Variants in GADL1 observed in about 807,000 individuals in gnomAD.
The protein encoded by GADL1 is acidic amino acid decarboxylase GADL1.
In GADL1, 71 loss-of-function variants were observed where a neutral mutation model predicts 69.5. The observed-to-expected ratio is 1.02, with a 90% CI of 0.84 to 1.25. The LOEUF (loss-of-function observed/expected upper bound fraction) is 1.25, where lower values mean the gene tolerates loss of function less well. GADL1 is among the 50% of genes most tolerant of loss of function. The pLI is 0.00. For missense variants in GADL1, 737 were observed against 631.8 expected (o/e 1.17, Z -1.79); for synonymous variants, 254 against 214.4 (o/e 1.18, Z -1.62).
chr3:30,828,995 T>A (rs1475938639), intron 11 of GADL1, among the ~76,000 whole-genome samples: 1 of 151,946 alleles, frequency 6.6e-6, no homozygotes, highest in Non-Finnish European at 1.5e-5. Context: ...GAGTTTTTTT[T>A]AAACTAAAAA....
At chr3:30,782,370 G>C (rs1696684951) in intron 13 of GADL1, among the ~76,000 whole-genome samples, 1 of 152,082 alleles carries the variant, frequency 6.6e-6, no homozygotes, top group Non-Finnish European at 1.5e-5. Context: ...CAGTGGCTTT[G>C]GGAGTGGAGA....
chr3:30,850,384 A>G (rs1180867401), intron 5 of GADL1, among the ~76,000 whole-genome samples: 3 of 152,060 alleles, frequency 2.0e-5, no homozygotes, highest in Admixed American at 6.6e-5. Flanking sequence ...TCAATCTGTG[A>G]GCTCTGGACT....
intron 1 of GADL1, among the ~76,000 whole-genome samples, chr3:30,886,765 T>C (rs1698716455): frequency 6.6e-6 from 1 of 152,210 alleles, no homozygotes. Context: ...TCCCAATCTA[T>C]ATTGTTGTGT....
rs201383864 is a variant in GADL1 at position 30,805,361 on chromosome 3, G to A, written c.1051-4273C>T. Among the ~76,000 whole-genome samples the A allele has an allele frequency of 3.1e-3, 478 of 152,290 alleles. 4 individuals are homozygous for A. The highest frequency in any genetic ancestry group is 0.011 in the African/African-American group (453 of 41,552). On this transcript the variant is annotated intron_variant, in intron 11 of 14. Transcript: ENST00000282538. ...GGCACTTAAATACGTGTGAAAGAGG[G>A]TGCTCCATTTGGAGAGGCTGGTGAA...
chr3:30,785,586 T>A (rs2125499483), intron 13 of GADL1, among the ~76,000 whole-genome samples: 1 of 152,220 alleles, frequency 6.6e-6, no homozygotes, highest in South Asian at 2.1e-4. Flanking sequence ...TTCACCATGT[T>A]AGGCTGGTCT....
At chr3:30,821,679 G>C (rs1281321711) in intron 11 of GADL1, among the ~76,000 whole-genome samples, 1 of 151,800 alleles carries the variant, frequency 6.6e-6, no homozygotes, top group Non-Finnish European at 1.5e-5. Context: ...ATCCCCAGTG[G>C]AAGTTTTTTA....
At position 30,871,293 on chromosome 3, in the gene GADL1, TAA is replaced by T. The variant is rs1673672604; in HGVS notation, c.38-9530_38-9529del. 2.0e-5 allele frequency among the ~76,000 whole-genome samples: 3 copies of T among 151,274 alleles called. No individual in the cohort carries two copies. The Admixed American group carries it at 2.0e-4, about 10-fold the overall frequency. On this transcript the variant is annotated intron_variant, in intron 1 of 14. Coordinates refer to ENST00000282538, the MANE Select transcript of GADL1 (RefSeq NM_207359.3). The stretch of plus-strand genomic sequence containing the variant: ...TTAGAAAGATGAAGCGGGACTGGTG[TAA>T]AGTTTAGGTGTGAAACCAAGAATTG...
In GADL1 at chr3:30,850,923, G is replaced by GGA; in HGVS notation, c.445_446dup (p.Val151GlnfsTer5). On this transcript the variant is annotated frameshift_variant, in exon 5 of 15. Coordinates refer to ENST00000282538, the MANE Select transcript of GADL1 (RefSeq NM_207359.3). LOFTEE classifies it high-confidence loss of function. ...CTTCTTCCACTAACAGAAACACTGG[G>GGA]GACACCTCATACGTATAACTAGATA... 2.6e-6 allele frequency: 4 copies of GGA among 1,542,834 alleles called. No homozygotes were observed. Among genetic ancestry groups the GGA allele is most frequent in the Non-Finnish European group, 3.5e-6 (4 of 1,139,326 alleles).
At chr3:30,816,478 T>G (rs1338556302) in intron 11 of GADL1, among the ~76,000 whole-genome samples, 1 of 150,590 alleles carries the variant, frequency 6.6e-6, no homozygotes, top group Non-Finnish European at 1.5e-5. Flanking sequence ...CACATGTCAT[T>G]GTCCAGATCT....
chr3:30,769,001 C>A (rs1264383278), intron 14 of GADL1, among the ~76,000 whole-genome samples: 1 of 152,112 alleles, frequency 6.6e-6, no homozygotes, highest in Non-Finnish European at 1.5e-5. Flanking sequence ...TTTGTTTTTG[C>A]AACAACAAAC....
chr3:30,844,567 A>G (rs1698024457), intron 6 of GADL1, 101 bp from the exon 7 acceptor site: 1 of 802,694 alleles, frequency 1.2e-6, no homozygotes, highest in Admixed American at 1.9e-5. Flanking sequence ...GCTGAGCACA[A>G]TCTTTGGGAC....
chr3:30,754,075 G>A (rs1177747490), intron 14 of GADL1, among the ~76,000 whole-genome samples: 1 of 152,184 alleles, frequency 6.6e-6, no homozygotes, highest in South Asian at 2.1e-4. Flanking sequence ...AACTAAATTA[G>A]TCACACAGGC....
chr3:30,875,471 C>T (rs141684348), intron 1 of GADL1, among the ~76,000 whole-genome samples: 2 of 151,920 alleles, frequency 1.3e-5, no homozygotes, highest in African/African-American at 4.8e-5. Flanking sequence ...TATAGGCAGA[C>T]AAGACTGTTC....
intron 11 of GADL1, among the ~76,000 whole-genome samples, chr3:30,802,746 A>G (rs138086422): frequency 3.2e-4 from 48 of 152,314 alleles, no homozygotes; most frequent in African/African-American, 1.1e-3. Context: ...GAAATTATAT[A>G]CCAAATATAA....
At chr3:30,848,145 ACT>A (rs546284537) in intron 6 of GADL1, among the ~76,000 whole-genome samples, 7 of 152,118 alleles carry the variant, frequency 4.6e-5, no homozygotes. Flanking sequence ...GAAGAAGGAA[ACT>A]CTATTCAATA....
Position 30,888,702 on chromosome 3 carries a change from A to C in GADL1, c.37+5876T>G, listed in dbSNP as rs568022049. 9.2e-5 allele frequency among the ~76,000 whole-genome samples: 14 copies of C among 152,312 alleles called. No homozygotes were observed. The East Asian group carries it at 1.7e-3, about 19-fold the overall frequency. On this transcript the variant is annotated intron_variant, in intron 1 of 14. Transcript: ENST00000282538. ...TAGGGCTGCATAACAACAAGGAGAC[A>C]GTCTCAAGGGCACTCAACAAGTTTA...
chr3:30,850,904 C>A lies in GADL1; in HGVS notation c.466G>T (p.Glu156Ter). The stretch of plus-strand genomic sequence containing the variant: ...ATCATTTTCTTCAGAACCGCTTCTT[C>A]CACTAACAGAAACACTGGGGACACC... ...YEVSPVFLLV[E>*]EAVLKKMIEF... Residue 156 changes from glutamate (E) to a stop codon, truncating the protein, a stop_gained, in exon 5 of 15, where the codon GAA becomes TAA. Transcript: ENST00000282538. LOFTEE classifies it high-confidence loss of function. 3 of 1,550,182 alleles carry A rather than the reference C, an allele frequency of 1.9e-6. No homozygotes were observed. The highest frequency in any genetic ancestry group is 2.4e-5 in the East Asian group (1 of 40,880).
chr3:30,740,649 TTTCTTACTCTCCCATATATGCCCC>T (rs1407699776), intron 14 of GADL1, among the ~76,000 whole-genome samples: 1 of 152,026 alleles, frequency 6.6e-6, no homozygotes, highest in Non-Finnish European at 1.5e-5. Flanking sequence ...CAACTCCTAC[TTTCTTACTCTCCCATATATGCCCC>T]TAGGGTTTCA....
intron 6 of GADL1, among the ~76,000 whole-genome samples, 195 bp downstream of exon 6, chr3:30,849,801 G>T (rs1232285761): frequency 6.6e-6 from 1 of 152,028 alleles, no homozygotes; most frequent in Non-Finnish European, 1.5e-5. Flanking sequence ...TTAAATAAAG[G>T]TAATTATACA....
Sources: gnomAD v4.1 joint callset for allele counts (sites outside exome capture counted in the v4.1 genomes callset) on GRCh38, gnomAD v4.1.1 for gene constraint, MANE v1.5 for transcripts, NCBI Gene and HGNC (gene_info 2026-07-23, HGNC 2026-07-21) for gene names.